Variants in SNED1 observed in about 807,000 individuals in gnomAD.
The protein encoded by SNED1 is sushi, nidogen and EGF like domains 1, also known as sushi, nidogen and EGF-like domain-containing protein 1.
In SNED1, 81 loss-of-function variants were observed where a neutral mutation model predicts 166.7. The ratio of observed to expected loss-of-function variants is 0.49; its 90% CI spans 0.41 to 0.58. The LOEUF (loss-of-function observed/expected upper bound fraction) is 0.58. Ranked by LOEUF, SNED1 falls within the 20% of genes least tolerant of loss-of-function variation. SNED1 has a pLI of 0.00. For missense variants in SNED1, 1,604 were observed against 2,000.2 expected (o/e 0.80, Z 3.78); for synonymous variants, 762 against 822.0 (o/e 0.93, Z 1.25).
At chr2:241,027,575 C>T (rs1167195949) in intron 1 of SNED1, among the ~76,000 whole-genome samples, 2 of 152,112 alleles carry the variant, frequency 1.3e-5, no homozygotes, top group African/African-American at 2.4e-5. Context: ...GTTATAGACC[C>T]AGAAGTGAAA....
chr2:241,082,470 T>C, intron 29 of SNED1, 106 bp downstream of exon 29: 1 of 781,468 alleles, frequency 1.3e-6, no homozygotes. Flanking sequence ...GGACGATGGC[T>C]GCAGTCACAG....
chr2:241,036,174 C>G (rs906201368), intron 4 of SNED1, among the ~76,000 whole-genome samples: 2 of 151,730 alleles, frequency 1.3e-5, no homozygotes, highest in Non-Finnish European at 2.9e-5. Context: ...GATGCAGTCG[C>G]AGGGCGGGAA....
At chr2:241,044,926 G>A (rs1388107627) in intron 8 of SNED1, among the ~76,000 whole-genome samples, 1 of 152,188 alleles carries the variant, frequency 6.6e-6, no homozygotes, top group East Asian at 1.9e-4. Context: ...CAGAAAACTG[G>A]AAAGTACTGG....
At chr2:241,042,063 A>T (rs1340818610) in intron 8 of SNED1, among the ~76,000 whole-genome samples, 1 of 152,166 alleles carries the variant, frequency 6.6e-6, no homozygotes, top group Admixed American at 6.5e-5. Flanking sequence ...TGCTGGGAGG[A>T]GGAACTGAGA....
At chr2:241,030,787 C>T (rs2061144264) in intron 2 of SNED1, among the ~76,000 whole-genome samples, 2 of 152,214 alleles carry the variant, frequency 1.3e-5, no homozygotes, top group East Asian at 3.8e-4. Context: ...CCAGGAAACA[C>T]CAAATTCCCC....
chr2:241,079,852 T>A (rs1692748038), intron 27 of SNED1, among the ~76,000 whole-genome samples: 1 of 152,226 alleles, frequency 6.6e-6, no homozygotes, highest in Non-Finnish European at 1.5e-5. Context: ...TACTCAGTGA[T>A]CTTAATGTTA....
chr2:241,081,889 C>A, intron 28 of SNED1, 96 bp downstream of exon 28: 1 of 927,826 alleles, frequency 1.1e-6, no homozygotes, highest in Non-Finnish European at 1.7e-6. Context: ...ACGGGAGCCT[C>A]CAAACGATGA....
chr2:241,072,395 CTG>C (rs1044215726), intron 26 of SNED1: 1 of 363,406 alleles, frequency 2.8e-6, no homozygotes, highest in Non-Finnish European at 5.4e-6. Flanking sequence ...GGGAATCTGC[CTG>C]TGATTCTGAC....
At chr2:241,070,927 A>T (rs897563623) in intron 24 of SNED1, among the ~76,000 whole-genome samples, 1 of 152,184 alleles carries the variant, frequency 6.6e-6, no homozygotes, top group Non-Finnish European at 1.5e-5. Context: ...CTCCTCCCCA[A>T]CCCGTGAGGC....
intron 1 of SNED1, among the ~76,000 whole-genome samples, chr2:241,003,268 C>T (rs2060128801): frequency 6.6e-6 from 1 of 152,202 alleles, no homozygotes; most frequent in African/African-American, 2.4e-5. Context: ...GGACCACATC[C>T]ATCCTCATGC....
Position 240,998,918 on chromosome 2 carries a change from C to T in SNED1, c.81C>T (p.Ala27=). ...LGARGVRGAV[A]LADFYPFGAE... is the part of the protein sequence containing the mutation. ...CGCGCGGGGTGCGCGGCGCGGTGGC[C>T]CTTGCCGACTTCTACCCGTTCGGCG... Residue 27 remains alanine (A), a synonymous_variant, in exon 1 of 32, where the codon GCC becomes GCT. Transcript: ENST00000310397. 2 of 1,255,180 alleles carry T rather than the reference C, an allele frequency of 1.6e-6. No homozygotes were observed. Among genetic ancestry groups the T allele is most frequent in the Non-Finnish European group, 1.0e-6 (1 of 999,754 alleles). The allele number at this position is 1,255,180 out of a possible 1,614,324, so 77.8% of individuals were successfully genotyped here.
At position 241,014,557 on chromosome 2, in the gene SNED1, T is replaced by G. The variant is rs1299854488; in HGVS notation, c.213+15507T>G. On this transcript the variant is annotated intron_variant, in intron 1 of 31. Coordinates refer to ENST00000310397, the MANE Select transcript of SNED1 (RefSeq NM_001080437.3). ...TCATATGTTCACTTACCATTGGATTTCATCTTTTGTGGAGTGACTGTTCAA... is the reference window on the plus strand; with the variant it reads ...TCATATGTTCACTTACCATTGGATTGCATCTTTTGTGGAGTGACTGTTCAA... Among the ~76,000 whole-genome samples, 4 of 152,206 alleles carry G rather than the reference T, an allele frequency of 2.6e-5. No homozygotes were observed. The East Asian group carries it at 7.7e-4, about 29-fold the overall frequency.
At chr2:241,027,514 C>G (rs2061010118) in intron 1 of SNED1, among the ~76,000 whole-genome samples, 1 of 152,194 alleles carries the variant, frequency 6.6e-6, no homozygotes, top group African/African-American at 2.4e-5. Context: ...ATGCTATGAA[C>G]ATGTGTGTAC....
chr2:241,077,073 C>T (rs1048957047), intron 27 of SNED1, among the ~76,000 whole-genome samples: 10 of 142,230 alleles, frequency 7.0e-5, no homozygotes, highest in African/African-American at 2.2e-4. Flanking sequence ...AGCGAGACTC[C>T]GTCTCAAAAA....
chr2:241,090,325 T>C (rs759112859), intron 31 of SNED1: 114 of 1,549,978 alleles, frequency 7.4e-5, no homozygotes, highest in Admixed American at 2.0e-5. Context: ...CCACATCGTG[T>C]CCCAGTAACA....
At chr2:241,035,088 G>T (rs1337209486) in intron 4 of SNED1, among the ~76,000 whole-genome samples, 1 of 152,014 alleles carries the variant, frequency 6.6e-6, no homozygotes, top group South Asian at 2.1e-4. Context: ...GGAGCCCAGG[G>T]ACACCTCTCC....
At position 241,053,317 on chromosome 2, in the gene SNED1, C is replaced by G. The variant is rs759555196; in HGVS notation, c.2248C>G (p.Gln750Glu). The G allele has an allele frequency of 6.3e-7, 1 of 1,576,786 alleles. No homozygotes were observed. Among genetic ancestry groups the G allele is most frequent in the Non-Finnish European group, 8.6e-7 (1 of 1,158,748 alleles). Residue 750 changes from glutamine to glutamate, a missense_variant, in exon 16 of 32, where the codon CAG becomes GAG. Around this residue, in one of 2 missense-constraint regions of SNED1, gnomAD observed 1,237 missense variants for 1,620.8 expected, o/e 0.76. Coordinates refer to ENST00000310397, the MANE Select transcript of SNED1 (RefSeq NM_001080437.3). ...ACACGGTGTCTGGAGTGAGCCTCCC[C>G]AGTGCCTTGGTGATTCTGTGGGCCC... is the stretch of plus-strand genomic sequence containing the variant. ...QPHGVWSEPPQCLEIDECRSQ... is the reference protein window; with the variant it reads ...QPHGVWSEPPECLEIDECRSQ...
chr2:241,064,072 G>C lies in SNED1; in HGVS notation c.2546G>C (p.Gly849Ala), dbSNP rs904861340. 1 of 1,569,948 alleles carries C rather than the reference G, an allele frequency of 6.4e-7. No homozygotes were observed. The highest frequency in any genetic ancestry group is 8.6e-7 in the Non-Finnish European group (1 of 1,158,894). The stretch of plus-strand genomic sequence containing the variant: ...GGAGGCCGGTGTGAGAGCGGCGGCG[G>C]GGCCTACCTGTGCGTCTGCCCAGAG... ...QHGGRCESGG[G>A]AYLCVCPESF... The change falls in exon 19 of 32, where the codon GGG becomes GCG. Residue 849 changes from glycine (G) to alanine (A), a missense_variant. Physicochemically the swap from Gly to Ala is moderately conservative, Grantham distance 60. Around this residue, in one of 2 missense-constraint regions of SNED1, gnomAD observed 1,237 missense variants for 1,620.8 expected, o/e 0.76. Coordinates refer to ENST00000310397, the MANE Select transcript of SNED1 (RefSeq NM_001080437.3). This position sits in a 1 kb window ranked among gnomAD's most constrained non-coding sequence, Gnocchi z 7.0.
At chr2:241,003,258 G>A (rs1454298827) in intron 1 of SNED1, among the ~76,000 whole-genome samples, 1 of 152,102 alleles carries the variant, frequency 6.6e-6, no homozygotes, top group African/African-American at 2.4e-5. Flanking sequence ...ATGAAGGCAG[G>A]GACCACATCC....
Sources: gnomAD v4.1 joint callset for allele counts (sites outside exome capture counted in the v4.1 genomes callset) on GRCh38, gnomAD v4.1.1 for gene constraint, gnomAD v4.1.1 regional missense constraint, Gnocchi (gnomAD v3.1) non-coding constraint, MANE v1.5 for transcripts, NCBI Gene and HGNC (gene_info 2026-07-23, HGNC 2026-07-21) for gene names.